The following CDKL5 variants were observed in gnomAD, a reference collection of about 807,000 sequenced individuals.
CDKL5 encodes the protein cyclin dependent kinase like 5.
A neutral mutation model predicts 61.7 loss-of-function variants in CDKL5; 8 were observed. The ratio of observed to expected loss-of-function variants is 0.13; its 90% CI spans 0.08 to 0.23. The LOEUF is 0.23. Ranked by LOEUF, CDKL5 falls within the 10% of genes least tolerant of loss-of-function variation. CDKL5 has a pLI of 1.00. For synonymous variants in CDKL5, 275 were observed against 272.3 expected (o/e 1.01, Z -0.10); for missense variants, 440 against 734.5 (o/e 0.60, Z 4.63).
intron 5 of CDKL5, among the ~76,000 whole-genome samples, chrX:18,579,001 G>A (rs1346801965): frequency 1.8e-5 from 2 of 111,697 alleles, no homozygotes; most frequent in East Asian, 5.6e-4. Flanking sequence ...TGCCAACACA[G>A]TGAAAAAGGC....
intron 5 of CDKL5, 67 bp downstream of exon 5, chrX:18,575,557 T>A (rs986942902): frequency 4.4e-5 from 44 of 1,002,512 alleles, no homozygotes; most frequent in Non-Finnish European, 5.8e-5. Context: ...TCTGACATTA[T>A]TTAAGAAAGT....
At chrX:18,546,330 C>A (rs183345369) in intron 3 of CDKL5, among the ~76,000 whole-genome samples, 5 of 100,544 alleles carry the variant, frequency 5.0e-5, no homozygotes, top group Admixed American at 4.5e-4. Flanking sequence ...GGTGCAATCT[C>A]TGCTCACTGC....
In CDKL5 at chrX:18,631,012, T is replaced by TC; in HGVS notation, c.*2256dup. Reference sequence around the variant, plus strand: ...TACACTTTTTTTCTCTGGAAAGACTTCTCACTGTGCTATGCGCTTAGGAAC... The same window carrying TC: ...TACACTTTTTTTCTCTGGAAAGACTTCCTCACTGTGCTATGCGCTTAGGAAC... On this transcript the variant is annotated 3_prime_UTR_variant, in exon 18 of 18. Transcript: ENST00000623535. 1 of 751,290 alleles carries TC rather than the reference T, an allele frequency of 1.3e-6. No homozygotes were observed. Among genetic ancestry groups the TC allele is most frequent in the Non-Finnish European group, 1.6e-6 (1 of 638,768 alleles). The allele number at this position is 751,290 out of a possible 1,213,427, so 61.9% of individuals were successfully genotyped here. A position where few individuals can be genotyped will look rare whatever the true frequency, so the allele number is the denominator to read the frequency against.
At chrX:18,528,519 T>C (rs1284011049) in intron 3 of CDKL5, among the ~76,000 whole-genome samples, 1 of 111,176 alleles carries the variant, frequency 9.0e-6, no homozygotes, top group Non-Finnish European at 1.9e-5. Context: ...AACTTCCTCT[T>C]GATTAGTGTT....
chrX:18,512,529 GGCT>G (rs2147096545), intron 3 of CDKL5, among the ~76,000 whole-genome samples: 1 of 110,753 alleles, frequency 9.0e-6, no homozygotes, highest in East Asian at 2.8e-4. Context: ...TCCATGCAAT[GGCT>G]TTTGTATTCT....
At chrX:18,548,754 C>T (rs960696509) in intron 3 of CDKL5, among the ~76,000 whole-genome samples, 2 of 111,740 alleles carry the variant, frequency 1.8e-5, no homozygotes, top group Non-Finnish European at 3.8e-5. Flanking sequence ...GTAGCCATTG[C>T]GCACCTGAGC....
rs776342803 is a variant in CDKL5 at position 18,428,420 on chromosome X, C to T, written c.-163+2725C>T. Among the ~76,000 whole-genome samples, 4 of 112,466 alleles carry T rather than the reference C, an allele frequency of 3.6e-5. No homozygotes were observed. The South Asian group carries it at 1.4e-3, about 41-fold the overall frequency. On this transcript the variant is annotated intron_variant, in intron 1 of 17. Transcript: ENST00000623535. ...ACGTGTCTGTTAAAATTCACATTCT[C>T]TCCCCTTCCGTTTTGATAACTGGTG... is the stretch of plus-strand genomic sequence containing the variant.
At chrX:18,615,427 G>T (rs920960521) in intron 15 of CDKL5, among the ~76,000 whole-genome samples, 3 of 111,635 alleles carry the variant, frequency 2.7e-5, no homozygotes, top group African/African-American at 9.8e-5. Flanking sequence ...TCTTTGTTGC[G>T]AGGGGATGGA....
chrX:18,639,647 A>G lies in CDKL5; in HGVS notation c.*10890A>G, dbSNP rs995326250. Among the ~76,000 whole-genome samples, 9 of 112,373 alleles carry G rather than the reference A, an allele frequency of 8.0e-5. No homozygotes were observed. Among genetic ancestry groups the G allele is most frequent in the Non-Finnish European group, 1.9e-5 (1 of 53,299 alleles). On this transcript the variant is annotated 3_prime_UTR_variant, in exon 18 of 18. Coordinates refer to ENST00000623535, the MANE Select transcript of CDKL5 (RefSeq NM_001323289.2). ...TGTCCCAGCAGTTTTACTCCTAAGT[A>G]TATACCCAAGATAAATGAAAACACA...
intron 2 of CDKL5, among the ~76,000 whole-genome samples, chrX:18,508,559 G>A (rs771232948): frequency 9.0e-5 from 10 of 110,920 alleles, no homozygotes; most frequent in Non-Finnish European, 1.7e-4. Flanking sequence ...TAGCACATAC[G>A]GTGTAACAAG....
Position 18,431,259 on chromosome X carries a change from T to G in CDKL5, c.-163+5564T>G, listed in dbSNP as rs143260112. The stretch of plus-strand genomic sequence containing the variant: ...AGTCCATGTTAGGAAAAAAGAAAAC[T>G]TAACATCTTTTTCTGTAATCGATTA... On this transcript the variant is annotated intron_variant, in intron 1 of 17. Transcript: ENST00000623535. Among the ~76,000 whole-genome samples the G allele has an allele frequency of 4.5e-3, 503 of 111,588 alleles. 2 individuals carry two copies. Among genetic ancestry groups the G allele is most frequent in the African/African-American group, 0.015 (462 of 30,754 alleles).
chrX:18,608,125 C>T (rs1294243731), intron 12 of CDKL5, among the ~76,000 whole-genome samples: 16 of 110,732 alleles, frequency 1.4e-4, no homozygotes, highest in Admixed American at 1.4e-3. Flanking sequence ...CATTGTGGAC[C>T]GAGTACTGTT....
At chrX:18,564,816 A>G (rs1236333421) in intron 4 of CDKL5, among the ~76,000 whole-genome samples, 3 of 111,048 alleles carry the variant, frequency 2.7e-5, no homozygotes, top group Non-Finnish European at 3.8e-5. Flanking sequence ...GGCTGGTTAG[A>G]AGGCATGTTG....
At chrX:18,462,267 A>G (rs577628544) in intron 1 of CDKL5, among the ~76,000 whole-genome samples, 7 of 110,884 alleles carry the variant, frequency 6.3e-5, no homozygotes, top group African/African-American at 1.3e-4. Context: ...CGCAGCTGCA[A>G]TATATGCCAG....
At chrX:18,611,470 C>T (rs1926552177) in intron 14 of CDKL5, among the ~76,000 whole-genome samples, 1 of 108,816 alleles carries the variant, frequency 9.2e-6, no homozygotes, top group Admixed American at 9.9e-5. Context: ...TTTTATGGGA[C>T]TAAGCTTTTA....
Position 18,631,327 on chromosome X carries a change from C to T in CDKL5, c.*2570C>T. The T allele has an allele frequency of 1.3e-6, 1 of 753,309 alleles. No individual in the cohort carries two copies. The highest frequency in any genetic ancestry group is 1.6e-6 in the Non-Finnish European group (1 of 638,282). The allele number at this position is 753,309 out of a possible 1,213,427, so 62.1% of individuals were successfully genotyped here. A position where few individuals can be genotyped will look rare whatever the true frequency, so the allele number is the denominator to read the frequency against. On this transcript the variant is annotated 3_prime_UTR_variant, in exon 18 of 18. Transcript: ENST00000623535. ...GTGTTTTCGAGGTAGCTCTTTAATC[C>T]TCTTCTCAGCTTTTGTCTGTTCTGA...
chrX:18,598,979 A>T, intron 11 of CDKL5, among the ~76,000 whole-genome samples: 1 of 111,939 alleles, frequency 8.9e-6, no homozygotes, highest in Non-Finnish European at 1.9e-5. Context: ...GAGAGAGAAG[A>T]GGATGCCAAA....
At chrX:18,482,562 G>A (rs1167746218) in intron 1 of CDKL5, among the ~76,000 whole-genome samples, 1 of 111,016 alleles carries the variant, frequency 9.0e-6, no homozygotes, top group Non-Finnish European at 1.9e-5. Context: ...AAACTTCTTA[G>A]GGCTAAAGGT....
intron 4 of CDKL5, among the ~76,000 whole-genome samples, chrX:18,572,513 T>C (rs1475090657): frequency 8.9e-6 from 1 of 112,212 alleles, no homozygotes; most frequent in Non-Finnish European, 1.9e-5. Flanking sequence ...CAGTGTTCTG[T>C]ATCCTCCATC....
Sources: gnomAD v4.1 joint callset for allele counts (sites outside exome capture counted in the v4.1 genomes callset) on GRCh38, gnomAD v4.1.1 for gene constraint, MANE v1.5 for transcripts, NCBI Gene and HGNC (gene_info 2026-07-23, HGNC 2026-07-21) for gene names.